ITFG1: variants seen among roughly 807,000 people sequenced by gnomAD.
ITFG1 encodes integrin alpha FG-GAP repeat containing 1, also known as T-cell immunomodulatory protein.
A neutral mutation model predicts 81.8 loss-of-function variants in ITFG1; 34 were observed. That is an observed-to-expected ratio of 0.42 (90% CI 0.32 to 0.55). ITFG1 has a LOEUF of 0.55. ITFG1 is among the 20% of genes least tolerant of loss of function. The pLI is 0.17. For synonymous variants in ITFG1, 285 were observed against 270.6 expected (o/e 1.05, Z -0.52); for missense variants, 672 against 755.4 (o/e 0.89, Z 1.29).
intron 14 of ITFG1, among the ~76,000 whole-genome samples, chr16:47,192,657 T>G (rs1168532123): frequency 1.3e-5 from 2 of 152,220 alleles, no homozygotes; most frequent in Non-Finnish European, 2.9e-5. Context: ...ACTTCTCTCA[T>G]GTCAGTTAGA....
chr16:47,331,020 C>T (rs1967629953), intron 8 of ITFG1, among the ~76,000 whole-genome samples: 1 of 152,276 alleles, frequency 6.6e-6, no homozygotes, highest in Non-Finnish European at 1.5e-5. Context: ...GACATCTGCA[C>T]TTGTATGTTC....
intron 8 of ITFG1, among the ~76,000 whole-genome samples, chr16:47,336,633 A>G (rs1967707111): frequency 6.6e-6 from 1 of 152,200 alleles, no homozygotes; most frequent in African/African-American, 2.4e-5. Context: ...ATACAACGGC[A>G]TATAAGGCAC....
intron 8 of ITFG1, among the ~76,000 whole-genome samples, chr16:47,357,249 A>T (rs1263175617): frequency 6.6e-6 from 1 of 152,166 alleles, no homozygotes; most frequent in African/African-American, 2.4e-5. Flanking sequence ...ATTATCCCAT[A>T]GCATTTTTAA....
chr16:47,239,556 G>A (rs1965911187), intron 12 of ITFG1, among the ~76,000 whole-genome samples: 1 of 151,930 alleles, frequency 6.6e-6, no homozygotes, highest in Non-Finnish European at 1.5e-5. Flanking sequence ...AGTATGTAAG[G>A]TAAAAGGCAC....
intron 1 of ITFG1, among the ~76,000 whole-genome samples, chr16:47,459,953 TCTTC>T (rs946906622): frequency 8.9e-4 from 135 of 152,294 alleles, no homozygotes; most frequent in Middle Eastern, 6.8e-3. Context: ...TCTGAGTAGC[TCTTC>T]CTTCCTTCCT....
intron 10 of ITFG1, among the ~76,000 whole-genome samples, chr16:47,304,959 C>G (rs982746660): frequency 2.6e-5 from 4 of 152,106 alleles, no homozygotes; most frequent in African/African-American, 9.7e-5. Context: ...TTAAGAAATA[C>G]AAAAGTTAAC....
intron 5 of ITFG1, among the ~76,000 whole-genome samples, chr16:47,438,666 A>G (rs1406841174): frequency 6.6e-6 from 1 of 152,222 alleles, no homozygotes; most frequent in Admixed American, 6.5e-5. Context: ...ATGGACATCC[A>G]CACAAAAAAC....
At chr16:47,398,718 C>T (rs1050699953) in intron 6 of ITFG1, among the ~76,000 whole-genome samples, 1 of 152,180 alleles carries the variant, frequency 6.6e-6, no homozygotes, top group East Asian at 1.9e-4. Flanking sequence ...AATCTGCTGG[C>T]AGGTTTTCTG....
At chr16:47,439,517 T>G (rs1223534748) in intron 5 of ITFG1, among the ~76,000 whole-genome samples, 2 of 152,064 alleles carry the variant, frequency 1.3e-5, no homozygotes, top group Middle Eastern at 3.4e-3. Flanking sequence ...CAGAAGAGAG[T>G]GGGGGCCAAT....
At chr16:47,402,696 G>C (rs1025722981) in intron 6 of ITFG1, among the ~76,000 whole-genome samples, 4 of 152,138 alleles carry the variant, frequency 2.6e-5, no homozygotes, top group Admixed American at 2.0e-4. Context: ...TCGATTTGCT[G>C]GTCAGTGATT....
At chr16:47,254,081 T>C (rs1329422131) in intron 12 of ITFG1, among the ~76,000 whole-genome samples, 2 of 151,998 alleles carry the variant, frequency 1.3e-5, no homozygotes, top group African/African-American at 4.8e-5. Context: ...AAACTGATCA[T>C]AAAAGAAGTC....
intron 13 of ITFG1, among the ~76,000 whole-genome samples, chr16:47,232,099 C>T (rs1053721534): frequency 2.6e-5 from 4 of 152,176 alleles, no homozygotes; most frequent in African/African-American, 9.7e-5. Flanking sequence ...TCCCCAAAGC[C>T]TCCAAAAAGG....
intron 10 of ITFG1, among the ~76,000 whole-genome samples, chr16:47,277,813 G>A (rs899376861): frequency 1.3e-5 from 2 of 152,114 alleles, no homozygotes; most frequent in Non-Finnish European, 2.9e-5. Context: ...TGAAGAATAT[G>A]CTACTAAATT....
intron 12 of ITFG1, among the ~76,000 whole-genome samples, chr16:47,244,116 ATTTAC>A: frequency 6.6e-6 from 1 of 152,356 alleles, no homozygotes; most frequent in East Asian, 1.9e-4. Context: ...GTATGATTTC[ATTTAC>A]ATCATGTTCA....
At chr16:47,406,087 G>C (rs1184953829) in intron 6 of ITFG1, among the ~76,000 whole-genome samples, 1 of 152,284 alleles carries the variant, frequency 6.6e-6, no homozygotes. Flanking sequence ...GATAATATCA[G>C]AAACAACTGC....
At chr16:47,200,273 T>C (rs1228534071) in intron 14 of ITFG1, among the ~76,000 whole-genome samples, 1 of 152,222 alleles carries the variant, frequency 6.6e-6, no homozygotes, top group African/African-American at 2.4e-5. Context: ...ATGACTATAC[T>C]TGATAGTTTC....
chr16:47,261,136 G>C (rs1254426435), intron 10 of ITFG1, among the ~76,000 whole-genome samples: 1 of 152,210 alleles, frequency 6.6e-6, no homozygotes, highest in Non-Finnish European at 1.5e-5. Flanking sequence ...TGGTAGGGCA[G>C]ATATTGCCAA....
chr16:47,232,301 A>G (rs1324776377), intron 13 of ITFG1, among the ~76,000 whole-genome samples: 1 of 152,272 alleles, frequency 6.6e-6, no homozygotes, highest in African/African-American at 2.4e-5. Flanking sequence ...CAGAAGTGAA[A>G]TAACTTTTCC....
rs1469617356 is a variant in ITFG1, at chr16:47,154,540, A to C, written c.*1179T>G. On this transcript the variant is annotated 3_prime_UTR_variant, in exon 18 of 18. Transcript: ENST00000320640. Reference sequence around the variant, plus strand: ...TGTGTTTTATAGGCATCACATGTCCATTTGCATACTAGAAAATTATTAGCA... The same window carrying C: ...TGTGTTTTATAGGCATCACATGTCCCTTTGCATACTAGAAAATTATTAGCA... The C allele has an allele frequency of 6.6e-6, 1 of 152,198 alleles. No homozygotes were observed. The highest frequency in any genetic ancestry group is 6.5e-5 in the Admixed American group (1 of 15,284). 9.4% of individuals were successfully genotyped at this position (152,198 alleles called of 1,614,324 possible).
Sources: gnomAD v4.1 joint callset for allele counts (sites outside exome capture counted in the v4.1 genomes callset) on GRCh38, gnomAD v4.1.1 for gene constraint, MANE v1.5 for transcripts, NCBI Gene and HGNC (gene_info 2026-07-23, HGNC 2026-07-21) for gene names.